The following INO80B variants were observed in gnomAD, a reference collection of about 807,000 sequenced individuals.
INO80B encodes the protein INO80 complex subunit B, also known as IES2 homolog.
In INO80B, 18 loss-of-function variants were observed where a neutral mutation model predicts 31.4. That is an observed-to-expected ratio of 0.57 (90% CI 0.40 to 0.85). The LOEUF is 0.85. Among genes scored for constraint, INO80B ranks in the 40% least tolerant of loss-of-function variants. INO80B has a pLI of 0.00. For synonymous variants in INO80B, 238 were observed against 199.0 expected, an observed-to-expected ratio of 1.20 and a Z score of -1.65; for missense variants, 469 against 475.4, an observed-to-expected ratio of 0.99 and a Z score of 0.13.
At position 74,457,745 on chromosome 2, in the gene INO80B, C is replaced by T; in HGVS notation, c.952C>T (p.Arg318Cys). 6.2e-7 allele frequency: 1 copy of T among 1,600,292 alleles called. No homozygotes were observed. The highest frequency in any genetic ancestry group is 8.5e-7 in the Non-Finnish European group (1 of 1,179,742). Reference protein sequence around the residue: ...RCSVPGCPHPRRYACSRTGQA... With the variant: ...RCSVPGCPHPCRYACSRTGQA... ...CTCTGTCCCCGGCTGTCCCCATCCG[C>T]GCCGCTACGCTTGCTCCCGCACAGG... Residue 318 changes from arginine to cysteine, a missense_variant, in exon 5 of 5, where the codon CGC becomes TGC. Arg to Cys is a radical substitution (Grantham distance 180). Coordinates refer to ENST00000233331, the MANE Select transcript of INO80B (RefSeq NM_031288.4).
At position 74,457,603 on chromosome 2, in the gene INO80B, C is replaced by T. The variant is rs1237246990; in HGVS notation, c.810C>T (p.Ala270=). ...ERRGGRAAAP[A]PMVRYCSGAQ... ...GGGGAGGGCGGGCTGCGGCTCCGGC[C>T]CCCATGGTGCGCTACTGCAGCGGAG... is the stretch of plus-strand genomic sequence containing the variant. The change falls in exon 5 of 5, where the codon GCC becomes GCT. Residue 270 remains alanine, a synonymous_variant. Coordinates refer to ENST00000233331, the MANE Select transcript of INO80B (RefSeq NM_031288.4). The T allele has an allele frequency of 3.2e-6, 5 of 1,552,592 alleles. No homozygotes were observed. The highest frequency in any genetic ancestry group is 1.2e-5 in the South Asian group (1 of 85,476).
At chr2:74,456,883 G>A (rs1656033286) in intron 4 of INO80B, among the ~76,000 whole-genome samples, 1 of 152,242 alleles carries the variant, frequency 6.6e-6, no homozygotes, top group African/African-American at 2.4e-5. Context: ...AAAATCAGAT[G>A]AATTATGGCT....
intron 4 of INO80B, 101 bp from the exon 5 acceptor site, chr2:74,457,233 C>G (rs1671727234): frequency 1.6e-6 from 2 of 1,286,848 alleles, no homozygotes; most frequent in Admixed American, 4.6e-5. Context: ...GCTCAAGACC[C>G]TGCCTTCCAT....
chr2:74,456,365 G>C (rs567536335), intron 4 of INO80B, 93 bp downstream of exon 4: 2 of 1,290,708 alleles, frequency 1.5e-6, no homozygotes. Flanking sequence ...TGGGGATATC[G>C]ATAGTAGAGA....
chr2:74,457,536 C>A lies in INO80B; in HGVS notation c.743C>A (p.Thr248Asn). 1 of 1,527,266 alleles carries A rather than the reference C, an allele frequency of 6.5e-7. No homozygotes were observed. Among genetic ancestry groups the A allele is most frequent in the Non-Finnish European group, 8.8e-7 (1 of 1,139,174 alleles). The allele number at this position is 1,527,266 out of a possible 1,614,324, so 94.6% of individuals were successfully genotyped here. ...GAGCGCCTCACCAAGACTGCGGCGA[C>A]CAGTGGGCGGGGAGGCCGGGGGGGC... ...TIERLTKTAA[T>N]SGRGGRGGAR... The change falls in exon 5 of 5, where the codon ACC becomes AAC. Residue 248 changes from threonine to asparagine, a missense_variant. Coordinates refer to ENST00000233331, the MANE Select transcript of INO80B (RefSeq NM_031288.4).
In INO80B at chr2:74,457,723, T is replaced by G. The variant is rs1362558460; in HGVS notation, c.930T>G (p.Ser310=). 3.3e-5 allele frequency: 52 copies of G among 1,599,944 alleles called. No homozygotes were observed. The highest frequency in any genetic ancestry group is 4.0e-5 in the African/African-American group (3 of 74,842). ...PSPSGPPPRC[S]VPGCPHPRRY... ...CCTCAGGCCCGCCGCCGCGCTGCTC[T>G]GTCCCCGGCTGTCCCCATCCGCGCC... The change falls in exon 5 of 5, where the codon TCT becomes TCG. Residue 310 remains serine, a synonymous_variant. Coordinates refer to ENST00000233331, the MANE Select transcript of INO80B (RefSeq NM_031288.4).
chr2:74,457,348 G>C lies in INO80B; in HGVS notation c.555G>C (p.Gln185His). 1 of 1,607,598 alleles carries C rather than the reference G, an allele frequency of 6.2e-7. No homozygotes were observed. The highest frequency in any genetic ancestry group is 1.1e-5 in the South Asian group (1 of 89,944). Reference sequence around the variant, plus strand: ...TCTCTCCCTAGCGAGCTCTGCTCCAGAAGGCGCGGAGTCAACCTTCCCCTA... The same window carrying C: ...TCTCTCCCTAGCGAGCTCTGCTCCACAAGGCGCGGAGTCAACCTTCCCCTA... ...LLTARQRALL[Q>H]KARSQPSPML... Residue 185 changes from glutamine (Q) to histidine (H), a missense_variant, in exon 5 of 5, where the codon CAG (glutamine) becomes CAC (histidine). Transcript: ENST00000233331.
intron 2 of INO80B, 77 bp downstream of exon 2, chr2:74,455,675 C>T (rs1181070488): frequency 6.7e-7 from 1 of 1,485,210 alleles, no homozygotes; most frequent in East Asian, 2.3e-5. Flanking sequence ...ACTGGGCTTT[C>T]TAGAAGACCG....
At position 74,455,782 on chromosome 2, in the gene INO80B, T is replaced by C. The variant is rs994978605; in HGVS notation, c.252-36T>C. On this transcript the variant is annotated intron_variant, in intron 2 of 4. Transcript: ENST00000233331. ...GCTACGGAGTAGGAGGAGGAGACGC[T>C]TGCTCATTTTAAAGAGTAGTGTTGC... 4.0e-6 allele frequency: 6 copies of C among 1,498,084 alleles called. 1 individual carries two copies. The South Asian group carries it at 4.5e-5, about 11-fold the overall frequency. The allele number at this position is 1,498,084 out of a possible 1,614,324, so 92.8% of individuals were successfully genotyped here.
intron 3 of INO80B, 44 bp downstream of exon 3, chr2:74,455,980 G>C: frequency 1.3e-6 from 2 of 1,550,888 alleles, no homozygotes; most frequent in Non-Finnish European, 1.8e-6. Context: ...TATTATACCC[G>C]CCTAAAGAAA....
chr2:74,455,368 C>T, intron 1 of INO80B, 38 bp from the exon 2 acceptor site: 1 of 1,613,182 alleles, frequency 6.2e-7, no homozygotes, highest in Non-Finnish European at 8.5e-7. Flanking sequence ...CCCTGCCACC[C>T]TCCGGCCAAA....
chr2:74,456,128 T>C lies in INO80B; in HGVS notation c.396T>C (p.Ser132=). Reference sequence around the variant, plus strand: ...ATGAAGACAGTAATCTCTCTCCCTCTCCACTTCGGGACCTATCAGGAGGGT... The same window carrying C: ...ATGAAGACAGTAATCTCTCTCCCTCCCCACTTCGGGACCTATCAGGAGGGT... ...WLDEDSNLSP[S]PLRDLSGGLG... Residue 132 remains serine (S), a synonymous_variant, in exon 4 of 5, where the codon TCT becomes TCC. Coordinates refer to ENST00000233331, the MANE Select transcript of INO80B (RefSeq NM_031288.4). 1 of 1,601,388 alleles carries C rather than the reference T, an allele frequency of 6.2e-7. No individual in the cohort carries two copies. Among genetic ancestry groups the C allele is most frequent in the Admixed American group, 1.7e-5 (1 of 57,968 alleles).
chr2:74,455,372 G>T (rs1276500080), intron 1 of INO80B, 34 bp from the exon 2 acceptor site: 1 of 1,613,626 alleles, frequency 6.2e-7, no homozygotes, highest in South Asian at 1.1e-5. Flanking sequence ...GCCACCCTCC[G>T]GCCAAACACT....
intron 4 of INO80B, 137 bp downstream of exon 4, chr2:74,456,409 T>G: frequency 1.3e-6 from 1 of 778,178 alleles, no homozygotes; most frequent in Non-Finnish European, 2.1e-6. Context: ...GGAGCTAGTA[T>G]TCTAGTGTGT....
At chr2:74,455,281 C>A in intron 1 of INO80B, 107 bp downstream of exon 1, 1 of 1,527,392 alleles carries the variant, frequency 6.5e-7, no homozygotes, top group Non-Finnish European at 9.1e-7. Flanking sequence ...AGGAGAAAGG[C>A]GGTGCTGTTG....
Position 74,457,552 on chromosome 2 carries a change from C to A in INO80B, c.759C>A (p.Gly253=). The change falls in exon 5 of 5, where the codon GGC becomes GGA. Residue 253 remains glycine, a synonymous_variant. Transcript: ENST00000233331. ...CTGCGGCGACCAGTGGGCGGGGAGG[C>A]CGGGGGGGCGCACGGGGCGAGCGGC... ...TKTAATSGRG[G]RGGARGERRG... is the part of the protein sequence containing the mutation. The A allele has an allele frequency of 6.6e-7, 1 of 1,520,804 alleles. No homozygotes were observed. 94.2% of individuals were successfully genotyped at this position (1,520,804 alleles called of 1,614,324 possible). A position where few individuals can be genotyped will look rare whatever the true frequency, so the allele number is the denominator to read the frequency against.
chr2:74,456,255 C>T lies in INO80B; in HGVS notation c.523C>T (p.Leu175=), dbSNP rs146507814. The T allele has an allele frequency of 3.2e-4, 514 of 1,613,998 alleles. 1 individual carries two copies. Among genetic ancestry groups the T allele is most frequent in the Non-Finnish European group, 4.0e-4 (467 of 1,180,030 alleles). ...CCTCAAGAAGGAGATCAATGAGCGGCTGCTTACTGCTCGACAGGTATGTTG... is the reference window on the plus strand; with the variant it reads ...CCTCAAGAAGGAGATCAATGAGCGGTTGCTTACTGCTCGACAGGTATGTTG... ...GDLKKEINER[L]LTARQRALLQ... The change falls in exon 4 of 5, where the codon CTG becomes TTG. Residue 175 remains leucine, a synonymous_variant. Transcript: ENST00000233331.
At chr2:74,455,310 C>A in intron 1 of INO80B, 96 bp from the exon 2 acceptor site, 3 of 1,545,710 alleles carry the variant, frequency 1.9e-6, no homozygotes, top group Non-Finnish European at 2.7e-6. Flanking sequence ...ACAGCGAGTA[C>A]TGCGGGAAGG....
chr2:74,456,270 CAGGTATGTTGGTTCATTGTTTATT>C lies in INO80B; in HGVS notation c.539_540+22del. ...CAATGAGCGGCTGCTTACTGCTCGA[CAGGTATGTTGGTTCATTGTTTATT>C]CACTCACCAAATGTATACAGTATTG... is the stretch of plus-strand genomic sequence containing the variant. On this transcript the variant is annotated splice_donor_variant and splice_donor_5th_base_variant and coding_sequence_variant and intron_variant, in exon 4 of 5. Coordinates refer to ENST00000233331, the MANE Select transcript of INO80B (RefSeq NM_031288.4). LOFTEE classifies it high-confidence loss of function. The C allele has an allele frequency of 6.2e-7, 1 of 1,613,998 alleles. No individual in the cohort carries two copies. The highest frequency in any genetic ancestry group is 8.5e-7 in the Non-Finnish European group (1 of 1,179,964).
Sources: gnomAD v4.1 joint callset for allele counts (sites outside exome capture counted in the v4.1 genomes callset) on GRCh38, gnomAD v4.1.1 for gene constraint, MANE v1.5 for transcripts, NCBI Gene and HGNC (gene_info 2026-07-23, HGNC 2026-07-21) for gene names.